The following RALYL variants were observed in gnomAD, a reference collection of about 807,000 sequenced individuals.
The protein encoded by RALYL is RALY RNA binding protein like, also known as RNA-binding Raly-like protein.
In RALYL, 29 loss-of-function variants were observed where a neutral mutation model predicts 35.1. That is an observed-to-expected ratio of 0.83 (90% CI 0.61 to 1.13). The LOEUF (loss-of-function observed/expected upper bound fraction) is 1.13, where lower values mean the gene tolerates loss of function less well. Ranked by LOEUF, RALYL falls within the 50% of genes most tolerant of loss-of-function variation. The pLI, the probability that RALYL is intolerant of heterozygous loss-of-function variation, is 0.00. For synonymous variants in RALYL, 120 were observed against 127.6 expected, an observed-to-expected ratio of 0.94 and a Z score of 0.40; for missense variants, 359 against 360.4, an observed-to-expected ratio of 1.00 and a Z score of 0.03.
intron 2 of RALYL, among the ~76,000 whole-genome samples, chr8:84,584,593 C>T (rs1811574341): frequency 6.9e-6 from 1 of 145,482 alleles, no homozygotes. Context: ...CAGAGCAAGA[C>T]TCTGTCTCAA....
At chr8:84,769,344 A>G (rs1814863889) in intron 2 of RALYL, among the ~76,000 whole-genome samples, 1 of 152,156 alleles carries the variant, frequency 6.6e-6, no homozygotes, top group African/African-American at 2.4e-5. Context: ...CACTCAAATC[A>G]GCTTTGAAGC....
chr8:84,732,749 T>G (rs1337109943), intron 2 of RALYL, among the ~76,000 whole-genome samples: 2 of 150,604 alleles, frequency 1.3e-5, no homozygotes, highest in Non-Finnish European at 2.9e-5. Context: ...CAGGCTGGAG[T>G]GCAGTGGCGC....
At chr8:84,255,317 A>G (rs562395063) in intron 1 of RALYL, among the ~76,000 whole-genome samples, 7 of 152,268 alleles carry the variant, frequency 4.6e-5, no homozygotes, top group Middle Eastern at 3.4e-3. Flanking sequence ...AAGTAATTTG[A>G]AAGTGCTGAA....
chr8:84,392,396 G>A (rs1860890411), intron 1 of RALYL, among the ~76,000 whole-genome samples: 1 of 151,184 alleles, frequency 6.6e-6, no homozygotes, highest in Admixed American at 6.6e-5. Flanking sequence ...TTTGTAAATT[G>A]AATCTATTGA....
At chr8:84,369,041 A>G (rs1333267068) in intron 1 of RALYL, among the ~76,000 whole-genome samples, 2 of 152,160 alleles carry the variant, frequency 1.3e-5, no homozygotes, top group Non-Finnish European at 2.9e-5. Context: ...CTATATGCAT[A>G]AGGGATTTTG....
chr8:84,850,035 A>G lies in RALYL; in HGVS notation c.413+8A>G. On this transcript the variant is annotated splice_region_variant and intron_variant, in intron 5 of 8. Transcript: ENST00000521268. ...AGATGATTTCTACAATCGGTATGTG[A>G]ATTTTTCATCCTTGTTTTCCTATGA... 6.9e-7 allele frequency: 1 copy of G among 1,445,366 alleles called. No homozygotes were observed. The highest frequency in any genetic ancestry group is 1.5e-5 in the South Asian group (1 of 68,368). The allele number at this position is 1,445,366 out of a possible 1,614,324, so 89.5% of individuals were successfully genotyped here.
chr8:84,780,570 A>C (rs1817917562), intron 3 of RALYL, among the ~76,000 whole-genome samples: 1 of 152,174 alleles, frequency 6.6e-6, no homozygotes, highest in Admixed American at 6.6e-5. Flanking sequence ...TGATTGTTTA[A>C]ATTTGTGCAA....
chr8:84,449,433 G>A (rs916935149), intron 1 of RALYL, among the ~76,000 whole-genome samples: 1 of 151,930 alleles, frequency 6.6e-6, no homozygotes, highest in Non-Finnish European at 1.5e-5. Context: ...TTCATTTATG[G>A]TTGTATTGTG....
At chr8:84,378,982 A>C (rs1402145447) in intron 1 of RALYL, among the ~76,000 whole-genome samples, 1 of 151,778 alleles carries the variant, frequency 6.6e-6, no homozygotes, top group Non-Finnish European at 1.5e-5. Context: ...TGCTCTTGGA[A>C]CCTGCCTGTT....
At chr8:84,626,689 A>G (rs932050447) in intron 2 of RALYL, among the ~76,000 whole-genome samples, 1 of 152,204 alleles carries the variant, frequency 6.6e-6, no homozygotes, top group African/African-American at 2.4e-5. Flanking sequence ...GCATAAATAT[A>G]TAACTACTTG....
chr8:84,490,440 G>C (rs916077856), intron 1 of RALYL, among the ~76,000 whole-genome samples: 1 of 151,986 alleles, frequency 6.6e-6, no homozygotes, highest in Admixed American at 6.6e-5. Context: ...TGCCTGGAAT[G>C]ATTCCTGAAG....
At chr8:84,485,349 G>A (rs1050930811) in intron 1 of RALYL, among the ~76,000 whole-genome samples, 1 of 152,130 alleles carries the variant, frequency 6.6e-6, no homozygotes, top group Non-Finnish European at 1.5e-5. Flanking sequence ...AGCACTTTGG[G>A]AGGCGGAGGC....
chr8:84,835,502 TAAAAAA>T lies in RALYL; in HGVS notation c.366-14459_366-14454del, dbSNP rs35745516. On this transcript the variant is annotated intron_variant, in intron 4 of 8. Transcript: ENST00000521268. ...CAACATGGAGAAACCCTGTCTCTACTAAAAAAAAAAAAAAAAAAAAAAAATACAAAA... is the reference window on the plus strand; with the variant it reads ...CAACATGGAGAAACCCTGTCTCTACTAAAAAAAAAAAAAAAAAATACAAAA... Among the ~76,000 whole-genome samples, 8 of 96,316 alleles carry T rather than the reference TAAAAAA, an allele frequency of 8.3e-5. No individual in the cohort carries two copies. In the East Asian group the frequency reaches 1.7e-3, roughly 21 times the overall value. The allele number at this position is 96,316 out of a possible 152,430, so 63.2% of individuals were successfully genotyped here. A position where few individuals can be genotyped will look rare whatever the true frequency, so the allele number is the denominator to read the frequency against.
chr8:84,615,570 CTTTT>C (rs60428128), intron 2 of RALYL, among the ~76,000 whole-genome samples: 5 of 67,364 alleles, frequency 7.4e-5, no homozygotes, highest in African/African-American at 1.3e-4. Context: ...GAACTTTCGT[CTTTT>C]TTTTTTTTTT....
chr8:84,475,581 C>T (rs1307258083), intron 1 of RALYL, among the ~76,000 whole-genome samples: 1 of 152,090 alleles, frequency 6.6e-6, no homozygotes, highest in African/African-American at 2.4e-5. Flanking sequence ...TTTAGACATA[C>T]ACCAAAGAAA....
intron 1 of RALYL, among the ~76,000 whole-genome samples, chr8:84,217,883 T>G (rs1197541352): frequency 6.6e-6 from 1 of 152,116 alleles, no homozygotes; most frequent in Non-Finnish European, 1.5e-5. Context: ...AAGTATTGTT[T>G]TAAGATGTTT....
chr8:84,680,199 A>G (rs1267110142), intron 2 of RALYL, among the ~76,000 whole-genome samples: 1 of 152,182 alleles, frequency 6.6e-6, no homozygotes, highest in Admixed American at 6.5e-5. Flanking sequence ...TTATGGCTGC[A>G]TAGTATTCCA....
intron 5 of RALYL, among the ~76,000 whole-genome samples, chr8:84,854,222 T>C (rs372390870): frequency 2.0e-5 from 3 of 151,734 alleles, no homozygotes; most frequent in Non-Finnish European, 4.4e-5. Context: ...GGTGGGCGCC[T>C]GTAATACCAG....
At chr8:84,356,445 T>C (rs1391743817) in intron 1 of RALYL, among the ~76,000 whole-genome samples, 2 of 150,480 alleles carry the variant, frequency 1.3e-5, no homozygotes, top group Admixed American at 1.3e-4. Flanking sequence ...GCCTATTGCC[T>C]CATTGCTACA....
Sources: gnomAD v4.1 joint callset for allele counts (sites outside exome capture counted in the v4.1 genomes callset) on GRCh38, gnomAD v4.1.1 for gene constraint, MANE v1.5 for transcripts, NCBI Gene and HGNC (gene_info 2026-07-23, HGNC 2026-07-21) for gene names.